WHRN: variants seen among roughly 807,000 people sequenced by gnomAD.
WHRN encodes the protein whirlin.
WHRN carries 41 observed loss-of-function variants against 68.3 expected under a neutral mutation model. The observed-to-expected ratio is 0.60, with a 90% CI of 0.47 to 0.78. The LOEUF (loss-of-function observed/expected upper bound fraction) is 0.78. Among genes scored for constraint, WHRN ranks in the 30% least tolerant of loss-of-function variants. The pLI, the probability that WHRN is intolerant of heterozygous loss-of-function variation, is 0.00. For synonymous variants in WHRN, 560 were observed against 561.3 expected, an observed-to-expected ratio of 1.00 and a Z score of 0.03; for missense variants, 1,243 against 1,244.7, an observed-to-expected ratio of 1.00 and a Z score of 0.02.
rs866143022 is a variant in WHRN, at chr9:114,491,514, C to T, written c.618+12670G>A. The T allele has an allele frequency of 8.0e-5, 13 of 161,672 alleles. No individual in the cohort carries two copies. In the Middle Eastern group the frequency reaches 7.9e-3, roughly 99 times the overall value. The allele number at this position is 161,672 out of a possible 1,614,324, so 10.0% of individuals were successfully genotyped here. On this transcript the variant is annotated intron_variant, in intron 1 of 11. Transcript: ENST00000362057. ...AGTTTAACTTCACTGCAACATGGGACAGAATGAGGGGATGCAACGGAGGCA... is the reference window on the plus strand; with the variant it reads ...AGTTTAACTTCACTGCAACATGGGATAGAATGAGGGGATGCAACGGAGGCA...
chr9:114,503,273 C>CTTCTGCAG, intron 1 of WHRN: 1 of 866,574 alleles, frequency 1.2e-6, no homozygotes, highest in Non-Finnish European at 1.4e-6. Flanking sequence ...CATTTCTCTG[C>CTTCTGCAG]AGAAGCAGAG....
rs1374303881 is a variant in WHRN, at chr9:114,403,923, C to G, written c.2391G>C (p.Glu797Asp). The change falls in exon 10 of 12, where the codon GAG becomes GAC. Residue 797 changes from glutamate to aspartate, a missense_variant. Physicochemically the swap from Glu to Asp is conservative, Grantham distance 45 (BLOSUM62 2). Transcript: ENST00000362057. Reference protein sequence around the residue: ...SRSSKELPRNERPTDGANKPP... With the variant: ...SRSSKELPRNDRPTDGANKPP... ...GTTTGTTGGCCCCATCTGTGGGCCT[C>G]TCGTTCCGAGGCAGCTCCTTGCTAC... The G allele has an allele frequency of 6.2e-7, 1 of 1,611,306 alleles. No individual in the cohort carries two copies. The highest frequency in any genetic ancestry group is 8.5e-7 in the Non-Finnish European group (1 of 1,180,012).
intron 3 of WHRN, among the ~76,000 whole-genome samples, chr9:114,464,655 A>G (rs1403374985): frequency 6.6e-6 from 1 of 152,224 alleles, no homozygotes; most frequent in Non-Finnish European, 1.5e-5. Flanking sequence ...TATAATAATA[A>G]GAATTCCCCA....
At chr9:114,475,553 T>C (rs1332120874) in intron 2 of WHRN, among the ~76,000 whole-genome samples, 4 of 152,064 alleles carry the variant, frequency 2.6e-5, no homozygotes, top group Non-Finnish European at 5.9e-5. Flanking sequence ...TTTTCAGGGG[T>C]AACTTGGCTA....
At chr9:114,458,020 T>C (rs1356373285) in intron 3 of WHRN, among the ~76,000 whole-genome samples, 3 of 151,968 alleles carry the variant, frequency 2.0e-5, no homozygotes, top group Non-Finnish European at 4.4e-5. Context: ...AAAGGGAAAA[T>C]AGTAAGTTTA....
intron 3 of WHRN, among the ~76,000 whole-genome samples, chr9:114,435,838 C>G (rs1054341080): frequency 1.3e-5 from 2 of 152,180 alleles, no homozygotes. Flanking sequence ...AAGGAATAAA[C>G]TTAACAAGAA....
intron 3 of WHRN, among the ~76,000 whole-genome samples, chr9:114,438,343 A>G (rs1442031301): frequency 1.3e-5 from 2 of 152,138 alleles, no homozygotes; most frequent in East Asian, 1.9e-4. Flanking sequence ...TGAGAAAAAA[A>G]TTTAAAACTT....
chr9:114,426,932 C>T (rs1455942621), intron 3 of WHRN, among the ~76,000 whole-genome samples: 1 of 152,126 alleles, frequency 6.6e-6, no homozygotes, highest in Non-Finnish European at 1.5e-5. Flanking sequence ...GTACATATGG[C>T]TTAGATTCTT....
intron 2 of WHRN, among the ~76,000 whole-genome samples, chr9:114,471,437 C>G (rs753108077): frequency 1.3e-5 from 2 of 152,154 alleles, no homozygotes; most frequent in African/African-American, 4.8e-5. Flanking sequence ...GCCTGCAGTG[C>G]CTGGGCATTT....
At position 114,404,045 on chromosome 9, in the gene WHRN, CGCTGTCCGAGA is replaced by C; in HGVS notation, c.2258_2268del (p.Leu753ArgfsTer34). The C allele has an allele frequency of 6.2e-7, 1 of 1,613,362 alleles. No homozygotes were observed. The highest frequency in any genetic ancestry group is 8.5e-7 in the Non-Finnish European group (1 of 1,180,030). ...CCACTGTCCTCGCTTAGAGTCTGCC[CGCTGTCCGAGA>C]GCTGGGAGAGCGTAGAGGCTGCTGG... On this transcript the variant is annotated frameshift_variant, in exon 10 of 12. Coordinates refer to ENST00000362057, the MANE Select transcript of WHRN (RefSeq NM_015404.4). LOFTEE classifies it high-confidence loss of function.
chr9:114,469,939 G>C (rs1398334373), intron 2 of WHRN, among the ~76,000 whole-genome samples: 1 of 152,190 alleles, frequency 6.6e-6, no homozygotes, highest in Non-Finnish European at 1.5e-5. Flanking sequence ...TGGCAGCACG[G>C]CATCTTCCAA....
At chr9:114,431,623 T>C (rs1837434602) in intron 3 of WHRN, among the ~76,000 whole-genome samples, 1 of 152,136 alleles carries the variant, frequency 6.6e-6, no homozygotes, top group Non-Finnish European at 1.5e-5. Flanking sequence ...TGAGTGAATT[T>C]GGAGGCAGCA....
At chr9:114,450,649 T>C (rs564358628) in intron 3 of WHRN, among the ~76,000 whole-genome samples, 1 of 152,300 alleles carries the variant, frequency 6.6e-6, no homozygotes, top group African/African-American at 2.4e-5. Flanking sequence ...TGGCTACATC[T>C]TCACCATGTC....
At chr9:114,425,142 G>T in intron 4 of WHRN, 118 bp from the exon 5 acceptor site, 1 of 1,006,032 alleles carries the variant, frequency 9.9e-7, no homozygotes, top group Non-Finnish European at 1.6e-6. Flanking sequence ...ATGCATCGTG[G>T]CCTCCACTCG....
rs374905500 is a variant in WHRN at position 114,448,303 on chromosome 9, C to T, written c.963+17964G>A. ...GGCAGAGACTAGAGTGACACTGCCACGAGCCGAAGACCACCAGGAACCAGC... is the reference window on the plus strand; with the variant it reads ...GGCAGAGACTAGAGTGACACTGCCATGAGCCGAAGACCACCAGGAACCAGC... On this transcript the variant is annotated intron_variant, in intron 3 of 11. Transcript: ENST00000362057. Among the ~76,000 whole-genome samples, 146 of 152,196 alleles carry T rather than the reference C, an allele frequency of 9.6e-4. 1 individual carries two copies. The South Asian group carries it at 0.03, about 31-fold the overall frequency.
At chr9:114,405,993 G>C (rs1461322677) in intron 9 of WHRN, among the ~76,000 whole-genome samples, 1 of 152,214 alleles carries the variant, frequency 6.6e-6, no homozygotes, top group African/African-American at 2.4e-5. Flanking sequence ...GGCCATGGCG[G>C]ACAGGAAGGG....
At chr9:114,469,561 C>A (rs867528852) in intron 2 of WHRN, among the ~76,000 whole-genome samples, 1 of 152,134 alleles carries the variant, frequency 6.6e-6, no homozygotes, top group Non-Finnish European at 1.5e-5. Flanking sequence ...TGGCTGATGG[C>A]GGTGGGTAAA....
At chr9:114,449,738 A>G (rs1839155513) in intron 3 of WHRN, among the ~76,000 whole-genome samples, 2 of 152,168 alleles carry the variant, frequency 1.3e-5, no homozygotes, top group South Asian at 4.1e-4. Context: ...AAAGACGTTC[A>G]TCATCAATGT....
At chr9:114,423,209 G>C (rs979155415) in intron 7 of WHRN, 105 bp downstream of exon 7, 5 of 1,190,164 alleles carry the variant, frequency 4.2e-6, no homozygotes, top group Admixed American at 1.7e-5. Flanking sequence ...CACACAGCTG[G>C]TAAGTGGTGG....
Sources: gnomAD v4.1 joint callset for allele counts (sites outside exome capture counted in the v4.1 genomes callset) on GRCh38, gnomAD v4.1.1 for gene constraint, MANE v1.5 for transcripts, NCBI Gene and HGNC (gene_info 2026-07-23, HGNC 2026-07-21) for gene names.